Variants in TP53INP1 observed in about 807,000 individuals in gnomAD.
TP53INP1 encodes tumor protein p53-inducible nuclear protein 1.
TP53INP1 carries 12 observed loss-of-function variants against 21.0 expected under a neutral mutation model. The ratio of observed to expected loss-of-function variants is 0.57; its 90% confidence interval spans 0.37 to 0.93. The LOEUF is 0.93. Among genes scored for constraint, TP53INP1 ranks in the 40% least tolerant of loss-of-function variants. The pLI is 0.01. For missense variants in TP53INP1, 274 were observed against 294.7 expected (o/e 0.93, Z 0.51); for synonymous variants, 91 against 94.8 (o/e 0.96, Z 0.23).
chr8:94,943,135 G>C (rs1821702450), intron 1 of TP53INP1, among the ~76,000 whole-genome samples: 1 of 152,116 alleles, frequency 6.6e-6, no homozygotes, highest in Non-Finnish European at 1.5e-5. Flanking sequence ...TCAGGAGTGT[G>C]GTCTCAGCTA....
chr8:94,948,778 G>C (rs1050981167), intron 1 of TP53INP1, among the ~76,000 whole-genome samples: 2 of 152,116 alleles, frequency 1.3e-5, no homozygotes, highest in Admixed American at 1.3e-4. Context: ...AGGGGAGTGA[G>C]GAGGGGTGAG....
rs1480413096 is a variant in TP53INP1, at chr8:94,932,028, A to G, written c.474-1300T>C. On this transcript the variant is annotated intron_variant, in intron 3 of 3. Transcript: ENST00000342697. The stretch of plus-strand genomic sequence containing the variant: ...CAGCATTTGGGTCCTTTGCCTCCCT[A>G]TGCATACATATATCACACAGTCTCA... 7 of 1,587,000 alleles carry G rather than the reference A, an allele frequency of 4.4e-6. No individual in the cohort carries two copies. In the East Asian group the frequency reaches 1.6e-4, roughly 36 times the overall value.
In TP53INP1 at chr8:94,927,922, AG is replaced by A. The variant is rs1025557008; in HGVS notation, c.*2556del. The A allele has an allele frequency of 3.4e-4, 51 of 152,016 alleles. No individual in the cohort carries two copies. The highest frequency in any genetic ancestry group is 1.1e-3 in the African/African-American group (47 of 41,394). 9.4% of individuals were successfully genotyped at this position (152,016 alleles called of 1,614,324 possible). On this transcript the variant is annotated 3_prime_UTR_variant, in exon 4 of 4. Coordinates refer to ENST00000342697, the MANE Select transcript of TP53INP1 (RefSeq NM_033285.4). ...TAATATTTACAATAGCAAAAAAAAA[AG>A]CTCATAAAATGCATTTTGGCCATGT... is the stretch of plus-strand genomic sequence containing the variant.
At chr8:94,933,318 A>G (rs1267582953) in intron 3 of TP53INP1, among the ~76,000 whole-genome samples, 2 of 152,228 alleles carry the variant, frequency 1.3e-5, no homozygotes, top group Non-Finnish European at 2.9e-5. Context: ...GAATGCAAAA[A>G]CAAACAAGAT....
chr8:94,937,789 G>C (rs1294302354), intron 3 of TP53INP1, among the ~76,000 whole-genome samples: 1 of 152,092 alleles, frequency 6.6e-6, no homozygotes, highest in East Asian at 1.9e-4. Flanking sequence ...GGGTTACCTA[G>C]ACCCCATCTT....
At chr8:94,946,732 G>A (rs191711426) in intron 1 of TP53INP1, among the ~76,000 whole-genome samples, 3 of 91,908 alleles carry the variant, frequency 3.3e-5, no homozygotes, top group Non-Finnish European at 7.3e-5. Flanking sequence ...ACAGGCCCTG[G>A]AGTTTGAAAT....
rs918683230 is a variant in TP53INP1, at chr8:94,948,840, G to A, written c.-151+314C>T. On this transcript the variant is annotated intron_variant, in intron 1 of 3. Transcript: ENST00000342697. ...AAACAAGCCACGCTCGGGGGAGGAG[G>A]CAGAGACCAAACTCCCAACCGCCGC... is the stretch of plus-strand genomic sequence containing the variant. Among the ~76,000 whole-genome samples, 4 of 152,168 alleles carry A rather than the reference G, an allele frequency of 2.6e-5. No individual in the cohort carries two copies. The East Asian group carries it at 5.8e-4, about 22-fold the overall frequency.
rs968303191 is a variant in TP53INP1 at position 94,933,705 on chromosome 8, C to T, written c.474-2977G>A. ...GCTTGAATCTGGGAGGCAGAGGTTG[C>T]AGTGAGCTGAGATCGCGCCACTGCA... is the stretch of plus-strand genomic sequence containing the variant. On this transcript the variant is annotated intron_variant, in intron 3 of 3. Transcript: ENST00000342697. Among the ~76,000 whole-genome samples the T allele has an allele frequency of 5.9e-5, 9 of 151,814 alleles. No homozygotes were observed. The South Asian group carries it at 1.5e-3, about 25-fold the overall frequency.
intron 3 of TP53INP1, among the ~76,000 whole-genome samples, chr8:94,937,866 T>C (rs966304515): frequency 1.3e-5 from 2 of 152,144 alleles, no homozygotes; most frequent in East Asian, 1.9e-4. Context: ...ACTAATTTTG[T>C]ACCTATGTCA....
At position 94,928,338 on chromosome 8, in the gene TP53INP1, A is replaced by G. The variant is rs1456791390; in HGVS notation, c.*2141T>C. 3 of 152,276 alleles carry G rather than the reference A, an allele frequency of 2.0e-5. No individual in the cohort carries two copies. Among genetic ancestry groups the G allele is most frequent in the Admixed American group, 1.3e-4 (2 of 15,286 alleles). The allele number at this position is 152,276 out of a possible 1,614,324, so 9.4% of individuals were successfully genotyped here. On this transcript the variant is annotated 3_prime_UTR_variant, in exon 4 of 4. Transcript: ENST00000342697. ...GTAGCTTGTGAGGTACTAACAACTT[A>G]CATGCAATGTATGAAAAAGAGACGC...
intron 1 of TP53INP1, 63 bp from the exon 2 acceptor site, chr8:94,941,154 T>C: frequency 2.0e-6 from 1 of 506,290 alleles, no homozygotes; most frequent in Non-Finnish European, 3.5e-6. Flanking sequence ...CATAAGTACA[T>C]ACACATACAC....
intron 3 of TP53INP1, among the ~76,000 whole-genome samples, chr8:94,935,574 G>A (rs1208298761): frequency 1.3e-5 from 2 of 152,204 alleles, no homozygotes; most frequent in Non-Finnish European, 2.9e-5. Context: ...AATGGGCAAG[G>A]ATCTATTTCT....
At position 94,926,828 on chromosome 8, in the gene TP53INP1, C is replaced by T. The variant is rs1021479895; in HGVS notation, c.*3651G>A. On this transcript the variant is annotated 3_prime_UTR_variant, in exon 4 of 4. Coordinates refer to ENST00000342697, the MANE Select transcript of TP53INP1 (RefSeq NM_033285.4). ...AATTTCAAGTGAAACTGATACATGG[C>T]AAGGCTGACACCACTGTATCATGTA... is the stretch of plus-strand genomic sequence containing the variant. 6.6e-6 allele frequency: 1 copy of T among 152,160 alleles called. No homozygotes were observed. The highest frequency in any genetic ancestry group is 1.5e-5 in the Non-Finnish European group (1 of 68,016). The allele number at this position is 152,160 out of a possible 1,614,324, so 9.4% of individuals were successfully genotyped here. A position where few individuals can be genotyped will look rare whatever the true frequency, so the allele number is the denominator to read the frequency against.
chr8:94,937,848 A>G (rs1821142776), intron 3 of TP53INP1, among the ~76,000 whole-genome samples: 1 of 152,146 alleles, frequency 6.6e-6, no homozygotes, highest in Non-Finnish European at 1.5e-5. Flanking sequence ...TGGTGGTAAA[A>G]ACAGCCTACT....
chr8:94,946,695 T>TCAAAAAAAAAAAAAAAAAAAAAAA (rs1822028485), intron 1 of TP53INP1, among the ~76,000 whole-genome samples: 1 of 6,444 alleles, frequency 1.6e-4, no homozygotes, highest in Non-Finnish European at 6.5e-4. Flanking sequence ...AGACCCTGTC[T>TCAAAAAAAAAAAAAAAAAAAAAAA]CAAAAAAAAA....
Position 94,930,808 on chromosome 8 carries a change from A to G in TP53INP1, c.474-80T>C, listed in dbSNP as rs562140556. On this transcript the variant is annotated intron_variant, in intron 3 of 3. Transcript: ENST00000342697. The stretch of plus-strand genomic sequence containing the variant: ...ACTGGAAAAGTTACTTAGCAATTCA[A>G]TTTGCCACGCTAATTTGTTTATGGC... 311 of 1,470,150 alleles carry G rather than the reference A, an allele frequency of 2.1e-4. 1 individual carries two copies. The highest frequency in any genetic ancestry group is 2.5e-4 in the Non-Finnish European group (269 of 1,091,206). 91.1% of individuals were successfully genotyped at this position (1,470,150 alleles called of 1,614,324 possible).
chr8:94,938,652 C>T (rs1821222879), intron 3 of TP53INP1, among the ~76,000 whole-genome samples: 4 of 152,174 alleles, frequency 2.6e-5, no homozygotes, highest in African/African-American at 9.7e-5. Context: ...TCCATAAGAC[C>T]CCAATAGTAC....
intron 3 of TP53INP1, among the ~76,000 whole-genome samples, chr8:94,932,903 A>T (rs1820566027): frequency 6.6e-6 from 1 of 152,268 alleles, no homozygotes. Context: ...TCCTGTGTAC[A>T]AAAAGGATTC....
chr8:94,946,696 CAAAAAAAAAA>C (rs71273438), intron 1 of TP53INP1, among the ~76,000 whole-genome samples: 1 of 34,688 alleles, frequency 2.9e-5, no homozygotes. Context: ...GACCCTGTCT[CAAAAAAAAAA>C]AAAAAAAAAA....
Sources: allele counts gnomAD v4.1 joint callset (sites outside exome capture counted in the v4.1 genomes callset), GRCh38; gene constraint gnomAD v4.1.1; transcripts MANE v1.5; gene names NCBI Gene and HGNC (gene_info 2026-07-23, HGNC 2026-07-21).